Variants in KIF13B observed in about 807,000 individuals in gnomAD.
The protein encoded by KIF13B is kinesin-like protein KIF13B.
Under a neutral mutation model 222.0 loss-of-function variants are expected in KIF13B, and 127 were observed. That is an observed-to-expected ratio of 0.57 (90% CI 0.50 to 0.66). The LOEUF is 0.66. Among genes scored for constraint, KIF13B ranks in the 30% least tolerant of loss-of-function variants. The probability of loss-of-function intolerance (pLI) is 0.00; values close to 1 mark genes in which losing one functional copy is unlikely to be tolerated. For missense variants in KIF13B, 2,173 were observed against 2,379.0 expected, an observed-to-expected ratio of 0.91 and a Z score of 1.80; for synonymous variants, 976 against 919.0, an observed-to-expected ratio of 1.06 and a Z score of -1.12.
At chr8:29,093,441 A>G (rs1808389147) in intron 36 of KIF13B, among the ~76,000 whole-genome samples, 1 of 152,202 alleles carries the variant, frequency 6.6e-6, no homozygotes, top group African/African-American at 2.4e-5. Context: ...ATTTCCAAAG[A>G]CTGGGATCAG....
At chr8:29,250,217 C>T (rs146960488) in intron 1 of KIF13B, 1 of 382,910 alleles carries the variant, frequency 2.6e-6, no homozygotes, top group Non-Finnish European at 5.1e-6. Context: ...CGTTCTCATA[C>T]AGAATACATC....
intron 36 of KIF13B, among the ~76,000 whole-genome samples, chr8:29,093,430 A>G (rs1051771832): frequency 1.4e-4 from 21 of 152,192 alleles, no homozygotes; most frequent in African/African-American, 4.1e-4. Flanking sequence ...ACCTGCTGTT[A>G]ATTTCCAAAG....
intron 2 of KIF13B, among the ~76,000 whole-genome samples, chr8:29,217,908 C>G (rs181053722): frequency 3.3e-5 from 5 of 152,210 alleles, no homozygotes; most frequent in Non-Finnish European, 4.4e-5. Context: ...TATTAATCAG[C>G]TCTATCACTC....
chr8:29,210,175 G>A (rs1814154326), intron 2 of KIF13B, among the ~76,000 whole-genome samples: 1 of 152,142 alleles, frequency 6.6e-6, no homozygotes, highest in Non-Finnish European at 1.5e-5. Context: ...AAGACAGAGG[G>A]TAATGGATGG....
rs11307766 is a variant in KIF13B at position 29,089,885 on chromosome 8, C to CAA, written c.4458+2858_4458+2859dup. 4.2e-5 allele frequency among the ~76,000 whole-genome samples: 5 copies of CAA among 118,130 alleles called. No homozygotes were observed. In the East Asian group the frequency reaches 1.0e-3, roughly 24 times the overall value. The allele number at this position is 118,130 out of a possible 152,430, so 77.5% of individuals were successfully genotyped here. The stretch of plus-strand genomic sequence containing the variant: ...TGGGCAACAGAGCAAGACTCTGTCT[C>CAA]AAAAAAAAAAAAAAAAAAGAAAGAA... On this transcript the variant is annotated intron_variant, in intron 37 of 39. Transcript: ENST00000524189.
chr8:29,072,195 G>A lies in KIF13B; in HGVS notation c.4643C>T (p.Thr1548Ile). The change falls in exon 39 of 40, where the codon ACC becomes ATC. Residue 1548 changes from threonine (T) to isoleucine (I), a missense_variant. Thr to Ile is a moderately conservative substitution (Grantham distance 89, BLOSUM62 -1). Transcript: ENST00000524189. The stretch of plus-strand genomic sequence containing the variant: ...CCCGTCCTGTGCCTCCGGAGCCGGG[G>A]TGACCGCTGTGACAGCTATGACAGG... ...PPPVIAVTAVTPAPEAQDGPP... is the reference protein window; with the variant it reads ...PPPVIAVTAVIPAPEAQDGPP... 1.4e-6 allele frequency: 2 copies of A among 1,448,634 alleles called. No homozygotes were observed. Among genetic ancestry groups the A allele is most frequent in the Non-Finnish European group, 9.1e-7 (1 of 1,101,968 alleles). 89.7% of individuals were successfully genotyped at this position (1,448,634 alleles called of 1,614,324 possible). A position where few individuals can be genotyped will look rare whatever the true frequency, so the allele number is the denominator to read the frequency against.
At chr8:29,129,596 T>C (rs1254357897) in intron 24 of KIF13B, among the ~76,000 whole-genome samples, 2 of 152,022 alleles carry the variant, frequency 1.3e-5, no homozygotes, top group Non-Finnish European at 2.9e-5. Flanking sequence ...TTTTAAAGTA[T>C]GGAAACTCAT....
intron 21 of KIF13B, 147 bp downstream of exon 21, chr8:29,139,916 T>C (rs890236472): frequency 8.3e-6 from 6 of 725,342 alleles, no homozygotes; most frequent in African/African-American, 1.8e-5. Context: ...AAAAGGAACA[T>C]AATACTTACC....
In KIF13B at chr8:29,119,187, G is replaced by A. The variant is rs183204337; in HGVS notation, c.3536-195C>T. ...AAGATAAGAAAGTGCCTCAAAAAATGATCTCATCCAATCTGCTACACTTAT... is the reference window on the plus strand; with the variant it reads ...AAGATAAGAAAGTGCCTCAAAAAATAATCTCATCCAATCTGCTACACTTAT... On this transcript the variant is annotated intron_variant, in intron 29 of 39. Transcript: ENST00000524189. 2.1e-3 allele frequency among the ~76,000 whole-genome samples: 325 copies of A among 152,294 alleles called. 2 individuals are homozygous for A. Among genetic ancestry groups the A allele is most frequent in the African/African-American group, 6.7e-3 (280 of 41,562 alleles).
intron 35 of KIF13B, among the ~76,000 whole-genome samples, chr8:29,099,733 T>A (rs903294643): frequency 3.9e-5 from 6 of 152,164 alleles, no homozygotes; most frequent in Admixed American, 2.0e-4. Flanking sequence ...ATAATAATCA[T>A]ACCCCCCCAC....
chr8:29,139,937 C>G (rs879925731), intron 21 of KIF13B, 126 bp downstream of exon 21: 28 of 813,226 alleles, frequency 3.4e-5, no homozygotes, highest in African/African-American at 2.9e-4. Flanking sequence ...ATCTAAAGAC[C>G]TGCAGTTCTC....
chr8:29,071,984 G>T lies in KIF13B; in HGVS notation c.4854C>A (p.Ala1618=). 1 of 1,308,048 alleles carries T rather than the reference G, an allele frequency of 7.6e-7. No homozygotes were observed. The highest frequency in any genetic ancestry group is 9.7e-7 in the Non-Finnish European group (1 of 1,032,018). The allele number at this position is 1,308,048 out of a possible 1,614,324, so 81.0% of individuals were successfully genotyped here. ...SHPPPPTAVP[A]EEPPGPQQLV... is the part of the protein sequence containing the mutation. ...GCTGCTGGGGGCCAGGGGGCTCCTCGGCGGGGACGGCCGTGGGCGGTGGGG... is the reference window on the plus strand; with the variant it reads ...GCTGCTGGGGGCCAGGGGGCTCCTCTGCGGGGACGGCCGTGGGCGGTGGGG... Residue 1618 remains alanine (A), a synonymous_variant, in exon 39 of 40, where the codon GCC becomes GCA. Transcript: ENST00000524189. This position sits in a 1 kb window ranked among gnomAD's most constrained non-coding sequence, Gnocchi z 4.9.
chr8:29,123,674 C>T (rs932634898), intron 27 of KIF13B, among the ~76,000 whole-genome samples, 182 bp from the exon 28 acceptor site: 5 of 152,198 alleles, frequency 3.3e-5, no homozygotes, highest in Non-Finnish European at 7.4e-5. Flanking sequence ...ATCTTCAGTT[C>T]CTGGGAGGCC....
At chr8:29,079,095 A>G (rs531794442) in intron 37 of KIF13B, among the ~76,000 whole-genome samples, 20 of 152,186 alleles carry the variant, frequency 1.3e-4, no homozygotes, top group African/African-American at 4.3e-4. Context: ...GACATATACA[A>G]TCTCCAAGGG....
intron 19 of KIF13B, 117 bp from the exon 20 acceptor site, chr8:29,140,734 T>C (rs780644683): frequency 3.0e-5 from 28 of 944,532 alleles, no homozygotes; most frequent in Non-Finnish European, 4.0e-5. Flanking sequence ...ATCCTAACTC[T>C]TGTATTTTTT....
At chr8:29,092,992 C>A in intron 36 of KIF13B, 114 bp from the exon 37 acceptor site, 1 of 950,576 alleles carries the variant, frequency 1.1e-6, no homozygotes, top group Non-Finnish European at 1.5e-6. Context: ...CCAAAGGTAT[C>A]CTTAAAAAAT....
At chr8:29,073,751 C>A (rs1807423977) in intron 38 of KIF13B, among the ~76,000 whole-genome samples, 1 of 152,104 alleles carries the variant, frequency 6.6e-6, no homozygotes, top group East Asian at 1.9e-4. Flanking sequence ...TGCGTTTTCC[C>A]AGGAACTGTC....
In KIF13B at chr8:29,142,302, C is replaced by T. The variant is rs765456431; in HGVS notation, c.2189G>A (p.Arg730Gln). 3 of 1,610,526 alleles carry T rather than the reference C, an allele frequency of 1.9e-6. No homozygotes were observed. The highest frequency in any genetic ancestry group is 1.1e-5 in the South Asian group (1 of 90,652). Residue 730 changes from arginine (R) to glutamine (Q), a missense_variant and splice_region_variant, in exon 19 of 40, where the codon CGA (arginine) becomes CAA (glutamine). By Grantham distance (43) the Arg-to-Gln change is conservative (BLOSUM62 1). Coordinates refer to ENST00000524189, the MANE Select transcript of KIF13B (RefSeq NM_015254.4). ...PASSLDANRK[R>Q]GSLLSEPAIQ... is the part of the protein sequence containing the mutation. ...TGCAGGCTCACTAAGAAGAGAGCCT[C>T]GCTGCAAAGAGAGTAAGAATGACCG...
rs1554622394 is a variant in KIF13B, at chr8:29,229,088, T to TTAA, written c.149+16257_149+16258insTTA. On this transcript the variant is annotated intron_variant, in intron 2 of 39. Transcript: ENST00000524189. The stretch of plus-strand genomic sequence containing the variant: ...TTTCCTAACTCCAGAATGTCAGCTT[T>TTAA]AAAAAAAAAAAAAAAAAAAAAAAGC... Among the ~76,000 whole-genome samples the TTAA allele has an allele frequency of 2.5e-3, 238 of 94,706 alleles. 4 individuals are homozygous for TTAA. The highest frequency in any genetic ancestry group is 9.2e-3 in the African/African-American group (233 of 25,292). 62.1% of individuals were successfully genotyped at this position (94,706 alleles called of 152,430 possible).
Sources: allele counts gnomAD v4.1 joint callset (sites outside exome capture counted in the v4.1 genomes callset), GRCh38; gene constraint gnomAD v4.1.1; non-coding constraint Gnocchi (gnomAD v3.1); transcripts MANE v1.5; gene names NCBI Gene and HGNC (gene_info 2026-07-23, HGNC 2026-07-21).